LFNG: variants seen among roughly 807,000 people sequenced by gnomAD.
LFNG encodes the protein beta-1,3-N-acetylglucosaminyltransferase lunatic fringe.
A neutral mutation model predicts 32.7 loss-of-function variants in LFNG; 15 were observed. The observed-to-expected ratio is 0.46, with a 90% CI of 0.31 to 0.71. The LOEUF (loss-of-function observed/expected upper bound fraction) is 0.71. Ranked by LOEUF, LFNG falls within the 30% of genes least tolerant of loss-of-function variation. The pLI is 0.06. For missense variants in LFNG, 520 were observed against 545.7 expected, an observed-to-expected ratio of 0.95 and a Z score of 0.47; for synonymous variants, 274 against 246.8, an observed-to-expected ratio of 1.11 and a Z score of -1.03.
chr7:2,522,066 C>G (rs940337385), intron 1 of LFNG, among the ~76,000 whole-genome samples: 1 of 152,184 alleles, frequency 6.6e-6, no homozygotes, highest in Non-Finnish European at 1.5e-5. Flanking sequence ...AGAGGGCCCC[C>G]CTCTCCCAGC....
rs891485901 is a variant in LFNG, at chr7:2,520,818, G to T, written c.432+525G>T. ...TGGGTCCTGGGGAGTACATCTCAAA[G>T]AACTCCAGGTTTTGGGGTCTGTGTG... On this transcript the variant is annotated intron_variant, in intron 1 of 7. Transcript: ENST00000222725. This position sits in a 1 kb window ranked among gnomAD's most constrained non-coding sequence, Gnocchi z 5.0. Among the ~76,000 whole-genome samples, 11 of 152,134 alleles carry T rather than the reference G, an allele frequency of 7.2e-5. No individual in the cohort carries two copies. Among genetic ancestry groups the T allele is most frequent in the Non-Finnish European group, 1.3e-4 (9 of 68,010 alleles).
In LFNG at chr7:2,527,331, C is replaced by CGTGTGT. The variant is rs559555929; in HGVS notation, c.*124_*125insTGTGTG. On this transcript the variant is annotated 3_prime_UTR_variant, in exon 8 of 8. Transcript: ENST00000222725. The surrounding 1 kb of genome is among the most constrained non-coding windows in gnomAD (Gnocchi z 4.4). ...CCCTAGGGCCGTGCCTGTGCGTGTGCGTGTGCGTGTGTGTGTGTGTGTACT... is the reference window on the plus strand; with the variant it reads ...CCCTAGGGCCGTGCCTGTGCGTGTGCGTGTGTGTGTGCGTGTGTGTGTGTGTGTACT... 7.5e-4 allele frequency: 1,153 copies of CGTGTGT among 1,528,614 alleles called. 6 individuals are homozygous for CGTGTGT. The African/African-American group carries it at 0.015, about 20-fold the overall frequency. The allele number at this position is 1,528,614 out of a possible 1,614,324, so 94.7% of individuals were successfully genotyped here.
Position 2,527,140 on chromosome 7 carries a change from C to G in LFNG, c.1074-6C>G, listed in dbSNP as rs371192136. ...ACGCAGACCAGCCCCTGCTCTGTTC[C>G]CACAGGTTCCGCTCCATCCACTGCC... is the stretch of plus-strand genomic sequence containing the variant. On this transcript the variant is annotated splice_region_variant and splice_polypyrimidine_tract_variant and intron_variant, in intron 7 of 7. Transcript: ENST00000222725. This position sits in a 1 kb window ranked among gnomAD's most constrained non-coding sequence, Gnocchi z 4.4. 4 of 1,612,208 alleles carry G rather than the reference C, an allele frequency of 2.5e-6. No homozygotes were observed. In the African/African-American group the frequency reaches 5.3e-5, roughly 22 times the overall value.
chr7:2,526,187 G>T lies in LFNG; in HGVS notation c.822-57G>T, dbSNP rs558766504. On this transcript the variant is annotated intron_variant, in intron 5 of 7. Transcript: ENST00000222725. This position sits in a 1 kb window ranked among gnomAD's most constrained non-coding sequence, Gnocchi z 6.9. ...GCCTTTGCCTGGTGGGGCCTCCCCA[G>T]CTCCCAGCAGATGGCTCCCGCCTCT... 3.8e-6 allele frequency: 6 copies of T among 1,598,404 alleles called. No homozygotes were observed. The highest frequency in any genetic ancestry group is 5.1e-6 in the Non-Finnish European group (6 of 1,171,364).
intron 1 of LFNG, among the ~76,000 whole-genome samples, chr7:2,522,977 G>A (rs1007670103): frequency 7.2e-5 from 11 of 152,118 alleles, no homozygotes; most frequent in Non-Finnish European, 1.3e-4. Flanking sequence ...GAGACAGTTC[G>A]ACCGGCACCC....
upstream of LFNG, among the ~76,000 whole-genome samples, chr7:2,513,629 T>C (rs1166083851): frequency 1.3e-5 from 2 of 152,154 alleles, no homozygotes; most frequent in Non-Finnish European, 2.9e-5. Context: ...TGGGGGGTCA[T>C]GCCTGGGGCC....
upstream of LFNG, chr7:2,517,845 C>T (rs1779666853): frequency 1.6e-6 from 2 of 1,225,504 alleles, no homozygotes. Flanking sequence ...GACTTTAACT[C>T]AGCCAGTGGA....
Position 2,527,488 on chromosome 7 carries a change from C to T in LFNG, c.*276C>T, listed in dbSNP as rs555114380. ...CTGCTTGGAGGAAGGATTTGTGTGT[C>T]GGAGGCCACTCCGAGGGCAATTCTG... On this transcript the variant is annotated 3_prime_UTR_variant, in exon 8 of 8. Coordinates refer to ENST00000222725, the MANE Select transcript of LFNG (RefSeq NM_001040167.2). The surrounding 1 kb of genome is among the most constrained non-coding windows in gnomAD (Gnocchi z 4.4). 1.5e-5 allele frequency: 21 copies of T among 1,388,430 alleles called. No homozygotes were observed. The highest frequency in any genetic ancestry group is 5.5e-5 in the East Asian group (2 of 36,254). The allele number at this position is 1,388,430 out of a possible 1,614,324, so 86.0% of individuals were successfully genotyped here.
rs1779959157 is a variant in LFNG, at chr7:2,526,031, C to G, written c.822-213C>G. Among the ~76,000 whole-genome samples, 1 of 152,154 alleles carries G rather than the reference C, an allele frequency of 6.6e-6. No individual in the cohort carries two copies. The highest frequency in any genetic ancestry group is 2.1e-4 in the South Asian group (1 of 4,832). Reference sequence around the variant, plus strand: ...ATCCGGCAGGACTCTTCCCTGCACCCAGATTCCCTCCACAGAGAGCCACGG... The same window carrying G: ...ATCCGGCAGGACTCTTCCCTGCACCGAGATTCCCTCCACAGAGAGCCACGG... On this transcript the variant is annotated intron_variant, in intron 5 of 7. Transcript: ENST00000222725. This position sits in a 1 kb window ranked among gnomAD's most constrained non-coding sequence, Gnocchi z 6.9.
intron 1 of LFNG, 150 bp from the exon 2 acceptor site, chr7:2,524,545 G>C: frequency 1.3e-6 from 1 of 752,434 alleles, no homozygotes; most frequent in Non-Finnish European, 2.4e-6. Flanking sequence ...TTCTCAGCAC[G>C]AGTGGGGAAA....
At chr7:2,525,651 C>T (rs1230925529) in intron 4 of LFNG, 34 bp from the exon 5 acceptor site, 6 of 1,612,412 alleles carry the variant, frequency 3.7e-6, no homozygotes, top group Non-Finnish European at 4.2e-6. Context: ...GGCAGCAGCG[C>T]CTGGGTCTCA....
rs1249851517 is a variant in LFNG at position 2,520,114 on chromosome 7, C to T, written c.253C>T (p.Arg85Cys). Reference sequence around the variant, plus strand: ...GTACTTCAGCCTGCTCACCCGCGCGCGCAGAGATGCGGGCCCGCCGCCCGG... The same window carrying T: ...GTACTTCAGCCTGCTCACCCGCGCGTGCAGAGATGCGGGCCCGCCGCCCGG... The part of the protein sequence containing the change: ...SEYFSLLTRA[R>C]RDAGPPPGAA... Residue 85 changes from arginine to cysteine, a missense_variant, in exon 1 of 8, where the codon CGC (arginine) becomes TGC (cysteine). By Grantham distance (180) the Arg-to-Cys change is radical. Transcript: ENST00000222725. The surrounding 1 kb of genome is among the most constrained non-coding windows in gnomAD (Gnocchi z 5.0). 5 of 1,350,518 alleles carry T rather than the reference C, an allele frequency of 3.7e-6. No homozygotes were observed. The allele number at this position is 1,350,518 out of a possible 1,614,324, so 83.7% of individuals were successfully genotyped here. A position where few individuals can be genotyped will look rare whatever the true frequency, so the allele number is the denominator to read the frequency against.
upstream of LFNG, among the ~76,000 whole-genome samples, chr7:2,518,854 C>T (rs1023732006): frequency 2.2e-4 from 34 of 152,084 alleles, no homozygotes; most frequent in Admixed American, 1.0e-3. Flanking sequence ...GGCCCCTCGC[C>T]CCTCACCCTC....
At position 2,526,787 on chromosome 7, in the gene LFNG, C is replaced by T; in HGVS notation, c.988-49C>T. On this transcript the variant is annotated intron_variant, in intron 6 of 7. Transcript: ENST00000222725. The surrounding 1 kb of genome is among the most constrained non-coding windows in gnomAD (Gnocchi z 6.9). The stretch of plus-strand genomic sequence containing the variant: ...GCTGTGTGGCCAGCCTGGGGCGGGG[C>T]CCAGGGATGTCGGGCCCCTCCCGGC... The T allele has an allele frequency of 1.9e-6, 3 of 1,569,886 alleles. No individual in the cohort carries two copies. The highest frequency in any genetic ancestry group is 2.6e-6 in the Non-Finnish European group (3 of 1,142,702).
rs1418939559 is a variant in LFNG at position 2,520,383 on chromosome 7, C to G, written c.432+90C>G. The G allele has an allele frequency of 2.5e-6, 3 of 1,208,556 alleles. No homozygotes were observed. Among genetic ancestry groups the G allele is most frequent in the Non-Finnish European group, 3.5e-6 (3 of 860,796 alleles). The allele number at this position is 1,208,556 out of a possible 1,614,324, so 74.9% of individuals were successfully genotyped here. On this transcript the variant is annotated intron_variant, in intron 1 of 7. Transcript: ENST00000222725. This position sits in a 1 kb window ranked among gnomAD's most constrained non-coding sequence, Gnocchi z 5.0. Reference sequence around the variant, plus strand: ...GTGGCAGTGTCCCATGGGAGTCAGGCTGCATCCCCATCCAGCCACTAGGGC... The same window carrying G: ...GTGGCAGTGTCCCATGGGAGTCAGGGTGCATCCCCATCCAGCCACTAGGGC...
At chr7:2,523,238 C>T (rs943280731) in intron 1 of LFNG, among the ~76,000 whole-genome samples, 1 of 152,214 alleles carries the variant, frequency 6.6e-6, no homozygotes, top group Non-Finnish European at 1.5e-5. Context: ...TCTGGGGAGG[C>T]CAAGGGGCTG....
At chr7:2,521,176 C>T (rs1779777382) in intron 1 of LFNG, among the ~76,000 whole-genome samples, 1 of 151,698 alleles carries the variant, frequency 6.6e-6, no homozygotes, top group Non-Finnish European at 1.5e-5. Context: ...TGTTTTGGGG[C>T]ACTGTGGGTG....
At chr7:2,522,475 C>CCACCA (rs1168007475) in intron 1 of LFNG, among the ~76,000 whole-genome samples, 1 of 152,230 alleles carries the variant, frequency 6.6e-6, no homozygotes, top group Non-Finnish European at 1.5e-5. Flanking sequence ...TGCCGCGCTG[C>CCACCA]CACCACAGCG....
At chr7:2,513,316 C>A, upstream of LFNG, 1 of 1,602,968 alleles carries the variant, frequency 6.2e-7, no homozygotes, top group Non-Finnish European at 8.5e-7. Context: ...ACGGAGGTGG[C>A]CTCTCTCAGC....
Sources: gnomAD v4.1 joint callset for allele counts (sites outside exome capture counted in the v4.1 genomes callset) on GRCh38, gnomAD v4.1.1 for gene constraint, Gnocchi (gnomAD v3.1) non-coding constraint, MANE v1.5 for transcripts, NCBI Gene and HGNC (gene_info 2026-07-23, HGNC 2026-07-21) for gene names.